The following IL1RAPL1 variants were observed in gnomAD, a reference collection of about 807,000 sequenced individuals.
The protein encoded by IL1RAPL1 is interleukin-1 receptor accessory protein-like 1.
A neutral mutation model predicts 48.4 loss-of-function variants in IL1RAPL1; 3 were observed. The observed-to-expected ratio is 0.06, with a 90% confidence interval of 0.03 to 0.16. The LOEUF (loss-of-function observed/expected upper bound fraction) is 0.16. Among genes scored for constraint, IL1RAPL1 ranks in the 10% least tolerant of loss-of-function variants. The pLI, the probability that IL1RAPL1 is intolerant of heterozygous loss-of-function variation, is 1.00. For missense variants in IL1RAPL1, 349 were observed against 530.6 expected (o/e 0.66, Z 3.36); for synonymous variants, 185 against 187.7 (o/e 0.99, Z 0.12).
At chrX:29,136,607 C>T (rs1456499867) in intron 2 of IL1RAPL1, among the ~76,000 whole-genome samples, 1 of 111,211 alleles carries the variant, frequency 9.0e-6, no homozygotes, top group African/African-American at 3.3e-5. Flanking sequence ...AGCGATCCTC[C>T]CACCTTAGCC....
chrX:29,249,594 G>C (rs1165380960), intron 2 of IL1RAPL1, among the ~76,000 whole-genome samples: 1 of 111,566 alleles, frequency 9.0e-6, no homozygotes, highest in Admixed American at 9.6e-5. Context: ...CAGAGTCTCA[G>C]TTATTTAACC....
At chrX:29,162,211 T>C (rs1244048258) in intron 2 of IL1RAPL1, among the ~76,000 whole-genome samples, 3 of 109,597 alleles carry the variant, frequency 2.7e-5, no homozygotes, top group Non-Finnish European at 5.7e-5. Flanking sequence ...CTGTCTGGGG[T>C]TAGGAGACAA....
At chrX:29,733,646 T>G (rs1927975556) in intron 6 of IL1RAPL1, among the ~76,000 whole-genome samples, 1 of 112,468 alleles carries the variant, frequency 8.9e-6, no homozygotes. Flanking sequence ...TAGGATAAGA[T>G]CCCATTGGGG....
At chrX:29,779,094 A>T (rs1382516333) in intron 6 of IL1RAPL1, among the ~76,000 whole-genome samples, 1 of 111,941 alleles carries the variant, frequency 8.9e-6, no homozygotes, top group Admixed American at 9.5e-5. Context: ...AGCAACTGTA[A>T]ACTATTTGTT....
chrX:28,899,637 G>T (rs766675126), intron 2 of IL1RAPL1, among the ~76,000 whole-genome samples: 2 of 112,077 alleles, frequency 1.8e-5, no homozygotes, highest in Non-Finnish European at 3.8e-5. Context: ...ATTAGGTCAA[G>T]CCATAAACTT....
intron 9 of IL1RAPL1, among the ~76,000 whole-genome samples, chrX:29,952,585 T>A (rs1933340710): frequency 8.9e-6 from 1 of 112,531 alleles, no homozygotes; most frequent in Non-Finnish European, 1.9e-5. Context: ...TATTGTGTGC[T>A]TTCATGATTT....
At chrX:29,372,718 G>A (rs1039296466) in intron 3 of IL1RAPL1, among the ~76,000 whole-genome samples, 1 of 105,208 alleles carries the variant, frequency 9.5e-6, no homozygotes, top group African/African-American at 3.5e-5. Flanking sequence ...TCAGATTGTT[G>A]TAGGTGTGCA....
In IL1RAPL1 at chrX:29,568,251, A is replaced by G. The variant is rs4610931; in HGVS notation, c.704-100179A>G. 6.8e-3 allele frequency among the ~76,000 whole-genome samples: 376 copies of G among 55,040 alleles called. 45 individuals carry two copies. The highest frequency in any genetic ancestry group is 0.035 in the African/African-American group (338 of 9,590). 47.8% of individuals were successfully genotyped at this position (55,040 alleles called of 115,157 possible). ...GAATAACAGATTATTCTTGATTTAA[A>G]GATCAAGAATAACAGATTATTCTTG... On this transcript the variant is annotated intron_variant, in intron 5 of 10. Coordinates refer to ENST00000378993, the MANE Select transcript of IL1RAPL1 (RefSeq NM_014271.4).
rs191837621 is a variant in IL1RAPL1 at position 29,847,676 on chromosome X, C to T, written c.779-69788C>T. 9.3e-4 allele frequency among the ~76,000 whole-genome samples: 104 copies of T among 111,461 alleles called. 1 individual carries two copies. The South Asian group carries it at 0.016, about 17-fold the overall frequency. ...GATTAGCCATAGCAGTAAATTCCATCGCTGAAGAAAGTTAAATACCTTTAA... is the reference window on the plus strand; with the variant it reads ...GATTAGCCATAGCAGTAAATTCCATTGCTGAAGAAAGTTAAATACCTTTAA... On this transcript the variant is annotated intron_variant, in intron 6 of 10. Coordinates refer to ENST00000378993, the MANE Select transcript of IL1RAPL1 (RefSeq NM_014271.4).
chrX:29,580,930 A>G (rs1922942336), intron 5 of IL1RAPL1, among the ~76,000 whole-genome samples: 1 of 112,240 alleles, frequency 8.9e-6, no homozygotes, highest in Non-Finnish European at 1.9e-5. Context: ...GAATCTCTGT[A>G]TGACTCATTC....
intron 3 of IL1RAPL1, among the ~76,000 whole-genome samples, chrX:29,389,355 C>CA (rs55950108): frequency 0.017 from 895 of 52,705 alleles, 18 homozygotes; most frequent in African/African-American, 0.05. Context: ...GACTCCATCT[C>CA]AAAAAAAAAA....
intron 3 of IL1RAPL1, among the ~76,000 whole-genome samples, chrX:29,287,229 C>T (rs59394235): frequency 0.13 from 14,150 of 111,189 alleles, 1,056 homozygotes; most frequent in East Asian, 0.3. Context: ...CAGCATAATT[C>T]CTTTGAAATC....
chrX:29,211,317 A>G (rs1329940198), intron 2 of IL1RAPL1, among the ~76,000 whole-genome samples: 1 of 112,200 alleles, frequency 8.9e-6, no homozygotes, highest in Non-Finnish European at 1.9e-5. Context: ...AATGCTATTG[A>G]CATAAAGTTT....
chrX:29,556,636 A>G (rs1423736591), intron 5 of IL1RAPL1, among the ~76,000 whole-genome samples: 2 of 102,574 alleles, frequency 1.9e-5, no homozygotes, highest in African/African-American at 8.0e-5. Flanking sequence ...CAACAAAGCA[A>G]GACTCTGCCT....
rs147476359 is a variant in IL1RAPL1, at chrX:29,561,347, A to G, written c.704-107083A>G. On this transcript the variant is annotated intron_variant, in intron 5 of 10. Transcript: ENST00000378993. ...TTGGAGACACATACGAGAAAGTTAA[A>G]TGGGTCCACAAGTGTTGCATCTTTT... Among the ~76,000 whole-genome samples, 809 of 112,208 alleles carry G rather than the reference A, an allele frequency of 7.2e-3. 11 individuals carry two copies. The highest frequency in any genetic ancestry group is 0.025 in the African/African-American group (783 of 30,934).
chrX:29,621,575 A>G lies in IL1RAPL1; in HGVS notation c.704-46855A>G, dbSNP rs1039420189. Among the ~76,000 whole-genome samples, 9 of 111,403 alleles carry G rather than the reference A, an allele frequency of 8.1e-5. No individual in the cohort carries two copies. The East Asian group carries it at 2.3e-3, about 28-fold the overall frequency. The stretch of plus-strand genomic sequence containing the variant: ...AAGTTCTCAGAGTTATGCTGTTCAT[A>G]CTTATGGGAGAAGTGTAGATTTTTT... On this transcript the variant is annotated intron_variant, in intron 5 of 10. Transcript: ENST00000378993.
intron 6 of IL1RAPL1, among the ~76,000 whole-genome samples, chrX:29,898,058 G>C (rs1225310553): frequency 2.7e-5 from 3 of 111,949 alleles, no homozygotes; most frequent in Non-Finnish European, 5.6e-5. Context: ...AGAAGTAACT[G>C]AGATATGTCA....
At chrX:28,738,015 A>T (rs750286199) in intron 1 of IL1RAPL1, among the ~76,000 whole-genome samples, 1 of 111,660 alleles carries the variant, frequency 9.0e-6, no homozygotes, top group Admixed American at 9.5e-5. Context: ...GGAAAAAAAA[A>T]GGGGAAAAAA....
intron 2 of IL1RAPL1, among the ~76,000 whole-genome samples, chrX:29,229,491 T>C (rs1286330075): frequency 8.9e-6 from 1 of 112,239 alleles, no homozygotes; most frequent in Non-Finnish European, 1.9e-5. Flanking sequence ...ATCTCAAATG[T>C]ATTTCTACCA....
Sources: allele counts gnomAD v4.1 joint callset (sites outside exome capture counted in the v4.1 genomes callset), GRCh38; gene constraint gnomAD v4.1.1; transcripts MANE v1.5; gene names NCBI Gene and HGNC (gene_info 2026-07-23, HGNC 2026-07-21).